IFT172: variants seen among roughly 807,000 people sequenced by gnomAD.
The protein encoded by IFT172 is intraflagellar transport protein 172 homolog.
IFT172 carries 164 observed loss-of-function variants against 248.9 expected under a neutral mutation model. That is an observed-to-expected ratio of 0.66 (90% CI 0.58 to 0.75). The LOEUF (loss-of-function observed/expected upper bound fraction) is 0.75. Among genes scored for constraint, IFT172 ranks in the 30% least tolerant of loss-of-function variants. The pLI is 0.00. For missense variants in IFT172, 1,950 were observed against 2,192.4 expected (o/e 0.89, Z 2.21); for synonymous variants, 729 against 791.6 (o/e 0.92, Z 1.33).
chr2:27,457,707 C>G lies in IFT172; in HGVS notation c.3160G>C (p.Glu1054Gln), dbSNP rs763117647. Reference protein sequence around the residue: ...RLQEAEYHYLEAQEWKATVNM... With the variant: ...RLQEAEYHYLQAQEWKATVNM... ...ACTGTTGCCTTCCATTCCTGGGCCT[C>G]GAGGTAGTGGTACTCAGCCTCCTGT... The change falls in exon 29 of 48, where the codon GAG (glutamate) becomes CAG (glutamine). Residue 1054 changes from glutamate to glutamine, a missense_variant. Glu to Gln is a conservative substitution (Grantham distance 29). Transcript: ENST00000260570. 1.2e-6 allele frequency: 2 copies of G among 1,613,946 alleles called. No homozygotes were observed. The highest frequency in any genetic ancestry group is 4.5e-5 in the East Asian group (2 of 44,874).
chr2:27,475,828 C>T (rs1393514928), intron 14 of IFT172, among the ~76,000 whole-genome samples: 1 of 151,094 alleles, frequency 6.6e-6, no homozygotes, highest in East Asian at 1.9e-4. Context: ...GATAGGGTCT[C>T]ACCATGTTGC....
In IFT172 at chr2:27,470,919, CCA is replaced by C. The variant is rs746111190; in HGVS notation, c.1692+7_1692+8del. On this transcript the variant is annotated splice_region_variant and intron_variant, in intron 16 of 47. Transcript: ENST00000260570. ...TACCACATCTGAGGGCCCCTAGTGT[CCA>C]ACATACCCTAATAGTGAACATGGTG... The C allele has an allele frequency of 1.3e-6, 2 of 1,579,596 alleles. No individual in the cohort carries two copies. Among genetic ancestry groups the C allele is most frequent in the South Asian group, 2.3e-5 (2 of 85,452 alleles).
chr2:27,471,173 G>A, intron 15 of IFT172, 78 bp from the exon 16 acceptor site: 2 of 1,390,154 alleles, frequency 1.4e-6, no homozygotes, highest in Non-Finnish European at 2.0e-6. Context: ...TTTCCTAATG[G>A]TGAGATGTGG....
At chr2:27,478,663 G>A (rs957560435) in intron 10 of IFT172, among the ~76,000 whole-genome samples, 1 of 152,188 alleles carries the variant, frequency 6.6e-6, no homozygotes, top group African/African-American at 2.4e-5. Context: ...CTTTGATCAA[G>A]GGACAATGTC....
At chr2:27,466,623 A>G (rs1667102997) in intron 16 of IFT172, among the ~76,000 whole-genome samples, 1 of 152,196 alleles carries the variant, frequency 6.6e-6, no homozygotes, top group South Asian at 2.1e-4. Flanking sequence ...CTCACAATAA[A>G]AAGGAAAAAA....
chr2:27,487,970 C>T (rs1668884109), intron 1 of IFT172, among the ~76,000 whole-genome samples: 1 of 151,014 alleles, frequency 6.6e-6, no homozygotes, highest in Admixed American at 6.6e-5. Context: ...ACATATTACA[C>T]ACTCAGTTAT....
Position 27,485,001 on chromosome 2 carries a change from C to A in IFT172, c.296+17G>T. The A allele has an allele frequency of 7.3e-7, 1 of 1,373,658 alleles. No individual in the cohort carries two copies. The highest frequency in any genetic ancestry group is 1.0e-6 in the Non-Finnish European group (1 of 963,088). The allele number at this position is 1,373,658 out of a possible 1,614,324, so 85.1% of individuals were successfully genotyped here. On this transcript the variant is annotated intron_variant, in intron 3 of 47. Transcript: ENST00000260570. The stretch of plus-strand genomic sequence containing the variant: ...CTTCTTTCCTGGGCCATCCCATCTC[C>A]CAGTCTCTATCCTCACCAATCTTCT...
Position 27,454,809 on chromosome 2 carries a change from G to A in IFT172, c.3372-149C>T. 8.6e-6 allele frequency: 6 copies of A among 699,982 alleles called. No individual in the cohort carries two copies. Among genetic ancestry groups the A allele is most frequent in the Middle Eastern group, 5.4e-4 (2 of 3,702 alleles). 43.4% of individuals were successfully genotyped at this position (699,982 alleles called of 1,614,324 possible). ...ATGAAGTGACAGAAAAGCGTGGAGA[G>A]ATAAAAAGGAAGACGGGCAGGCAGC... is the stretch of plus-strand genomic sequence containing the variant. On this transcript the variant is annotated intron_variant, in intron 30 of 47. Coordinates refer to ENST00000260570, the MANE Select transcript of IFT172 (RefSeq NM_015662.3). This position sits in a 1 kb window ranked among gnomAD's most constrained non-coding sequence, Gnocchi z 4.2.
intron 6 of IFT172, 51 bp downstream of exon 6, chr2:27,483,529 G>C: frequency 1.9e-6 from 3 of 1,584,692 alleles, no homozygotes; most frequent in Non-Finnish European, 2.6e-6. Flanking sequence ...CTTCCCCACA[G>C]CATTTTCCTA....
At chr2:27,462,159 A>G (rs1666730169) in intron 20 of IFT172, among the ~76,000 whole-genome samples, 1 of 152,000 alleles carries the variant, frequency 6.6e-6, no homozygotes, top group Admixed American at 6.6e-5. Context: ...CAGCCTCCCG[A>G]GTAGCTGGGA....
chr2:27,484,282 A>C lies in IFT172; in HGVS notation c.297-16T>G. On this transcript the variant is annotated splice_polypyrimidine_tract_variant and intron_variant, in intron 3 of 47. Coordinates refer to ENST00000260570, the MANE Select transcript of IFT172 (RefSeq NM_015662.3). ...CTTGTCACCCCTGCCAAACAAAAGAAGGGGAAACATATTAAAAACCACTTC... is the reference window on the plus strand; with the variant it reads ...CTTGTCACCCCTGCCAAACAAAAGACGGGGAAACATATTAAAAACCACTTC... 2 of 1,613,482 alleles carry C rather than the reference A, an allele frequency of 1.2e-6. No individual in the cohort carries two copies. The highest frequency in any genetic ancestry group is 2.2e-5 in the South Asian group (2 of 91,080).
At position 27,448,945 on chromosome 2, in the gene IFT172, A is replaced by AT; in HGVS notation, c.4397dup (p.Tyr1466Ter). Reference sequence around the variant, plus strand: ...GGTTAGCAGGGGCTCCGTGCTGTACATACAGGGCCAATGCCTGGGCAGAGC... The same window carrying AT: ...GGTTAGCAGGGGCTCCGTGCTGTACATTACAGGGCCAATGCCTGGGCAGAGC... ...EGSSAQALAL[Y>*]VQHGAPANPQ... The change falls in exon 40 of 48, where the codon TAT becomes TAAT. Residue 1466 changes from tyrosine (Y) to a stop codon, truncating the protein, a stop_gained and frameshift_variant. Transcript: ENST00000260570. LOFTEE classifies it high-confidence loss of function. The AT allele has an allele frequency of 6.2e-7, 1 of 1,603,292 alleles. No homozygotes were observed. Among genetic ancestry groups the AT allele is most frequent in the Non-Finnish European group, 8.5e-7 (1 of 1,170,060 alleles).
rs377211687 is a variant in IFT172 at position 27,453,414 on chromosome 2, G to A, written c.3921C>T (p.Asn1307=). ...DCYLKVRDSG[N]SGLAEKCWMK... is the part of the protein sequence containing the mutation. ...TCCAGCACTTCTCCGCCAGGCCGCT[G>A]TTTCCAGAGTCTCGCACTTTGAGGT... Residue 1307 remains asparagine, a synonymous_variant, in exon 35 of 48, where the codon AAC becomes AAT. Coordinates refer to ENST00000260570, the MANE Select transcript of IFT172 (RefSeq NM_015662.3). The A allele has an allele frequency of 2.4e-5, 38 of 1,614,108 alleles. No homozygotes were observed. The Admixed American group carries it at 5.2e-4, about 22-fold the overall frequency.
In IFT172 at chr2:27,446,004, G is replaced by A. The variant is rs763680759; in HGVS notation, c.4756-16C>T. 1 of 1,614,222 alleles carries A rather than the reference G, an allele frequency of 6.2e-7. No homozygotes were observed. Among genetic ancestry groups the A allele is most frequent in the Non-Finnish European group, 8.5e-7 (1 of 1,180,030 alleles). Reference sequence around the variant, plus strand: ...AGCCAACTGCCTGCAGCAAAGAAGAGTTGCAAATGGGAGTGAACAAGCTGG... The same window carrying A: ...AGCCAACTGCCTGCAGCAAAGAAGAATTGCAAATGGGAGTGAACAAGCTGG... On this transcript the variant is annotated splice_polypyrimidine_tract_variant and intron_variant, in intron 43 of 47. Transcript: ENST00000260570.
At chr2:27,462,616 C>T (rs941110092) in intron 20 of IFT172, 85 bp downstream of exon 20, 13 of 1,201,238 alleles carry the variant, frequency 1.1e-5, no homozygotes, top group Admixed American at 7.1e-5. Context: ...TTCACCAGCA[C>T]GCTTTCCTCC....
intron 15 of IFT172, 79 bp downstream of exon 15, chr2:27,472,171 T>C: frequency 2.1e-6 from 2 of 941,270 alleles, no homozygotes; most frequent in Non-Finnish European, 3.5e-6. Flanking sequence ...CCATCCTGCC[T>C]CCCTCAGTCC....
At chr2:27,468,849 AAAAAAAAAAAAAG>A (rs1260032215) in intron 16 of IFT172, among the ~76,000 whole-genome samples, 1 of 145,320 alleles carries the variant, frequency 6.9e-6, no homozygotes, top group Non-Finnish European at 1.5e-5. Flanking sequence ...ACTCCGTCTC[AAAAAAAAAAAAAG>A]AAAAAAAAAA....
intron 7 of IFT172, among the ~76,000 whole-genome samples, chr2:27,482,881 T>C (rs893120743): frequency 6.6e-6 from 1 of 152,256 alleles, no homozygotes; most frequent in African/African-American, 2.4e-5. Context: ...CATCCAACTT[T>C]TTCTCTGTCC....
At chr2:27,456,714 C>T in intron 29 of IFT172, 61 bp from the exon 30 acceptor site, 1 of 1,571,322 alleles carries the variant, frequency 6.4e-7, no homozygotes, top group Non-Finnish European at 8.6e-7. Flanking sequence ...TCATCTCTGA[C>T]CTCGGCTTTG....
Sources: gnomAD v4.1 joint callset for allele counts (sites outside exome capture counted in the v4.1 genomes callset) on GRCh38, gnomAD v4.1.1 for gene constraint, Gnocchi (gnomAD v3.1) non-coding constraint, MANE v1.5 for transcripts, NCBI Gene and HGNC (gene_info 2026-07-23, HGNC 2026-07-21) for gene names.